The following DHRS12 variants were observed in gnomAD, a reference collection of about 807,000 sequenced individuals.
The protein encoded by DHRS12 is dehydrogenase/reductase 12, also known as dehydrogenase/reductase SDR family member 12.
Under a neutral mutation model 32.1 loss-of-function variants are expected in DHRS12, and 29 were observed. That is an observed-to-expected ratio of 0.90 (90% CI 0.67 to 1.23). The LOEUF (loss-of-function observed/expected upper bound fraction) is 1.23. Ranked by LOEUF, DHRS12 falls within the 50% of genes most tolerant of loss-of-function variation. The pLI is 0.00. For synonymous variants in DHRS12, 150 were observed against 135.9 expected (o/e 1.10, Z -0.72); for missense variants, 330 against 337.2 (o/e 0.98, Z 0.17).
Position 51,799,560 on chromosome 13 carries a change from G to A in DHRS12, c.100C>T (p.Gln34Ter). 1 of 1,613,970 alleles carries A rather than the reference G, an allele frequency of 6.2e-7. No homozygotes were observed. The highest frequency in any genetic ancestry group is 8.5e-7 in the Non-Finnish European group (1 of 1,179,968). Residue 34 changes from glutamine (Q) to a stop codon, truncating the protein, a stop_gained, in exon 2 of 9, where the codon CAA becomes TAA. Transcript: ENST00000444610. LOFTEE classifies it high-confidence loss of function. ...SLEETAALAK[Q>*]LPLKSPSENI... is the part of the protein sequence containing the mutation. ...TCGCTTGGCGATTTCAAGGGCAGTT[G>A]CTTTGCCAATGCCGCTGTTTCCTCC... is the stretch of plus-strand genomic sequence containing the variant.
At position 51,780,549 on chromosome 13, in the gene DHRS12, G is replaced by A. The variant is rs73494143; in HGVS notation, c.302-3428C>T. On this transcript the variant is annotated intron_variant, in intron 4 of 8. Transcript: ENST00000444610. ...AATTTACACAATGCCTTTCTTCCAA[G>A]GAACTCATTATGTCGATGGCGGTTC... Among the ~76,000 whole-genome samples the A allele has an allele frequency of 7.4e-3, 1,122 of 152,298 alleles. 19 individuals are homozygous for A. Among genetic ancestry groups the A allele is most frequent in the African/African-American group, 0.026 (1,067 of 41,548 alleles).
intron 1 of DHRS12, among the ~76,000 whole-genome samples, chr13:51,801,837 TC>T (rs1416270401): frequency 6.6e-6 from 1 of 152,206 alleles, no homozygotes; most frequent in African/African-American, 2.4e-5. Context: ...GACAGGCTTT[TC>T]TCTGTGATAC....
the DHRS12 span, chr13:51,756,340 C>T: frequency 1.2e-6 from 2 of 1,613,506 alleles, no homozygotes; most frequent in Non-Finnish European, 1.7e-6. Context: ...AGCACCACTG[C>T]CGCAAGTGTG....
At chr13:51,776,971 A>T in intron 5 of DHRS12, 89 bp downstream of exon 5, 1 of 1,456,940 alleles carries the variant, frequency 6.9e-7, no homozygotes, top group South Asian at 1.2e-5. Context: ...TGGCCCCCTT[A>T]GGGCAGTCAG....
the DHRS12 span, chr13:51,759,967 A>G: frequency 1.3e-5 from 7 of 534,906 alleles, no homozygotes; most frequent in Non-Finnish European, 2.4e-5. Context: ...CAACTTGTTC[A>G]TACAATATAA....
rs184997067 is a variant in DHRS12, at chr13:51,768,547, A to G, written c.698-251T>C. ...AGACCACGTTTGGGTGATCAGCAGG[A>G]AGGGGTGCGGCCATCCTCCCGGATA... On this transcript the variant is annotated intron_variant, in intron 8 of 8. Coordinates refer to ENST00000444610, the MANE Select transcript of DHRS12 (RefSeq NM_001377533.1). 3.2e-5 allele frequency: 44 copies of G among 1,358,820 alleles called. No individual in the cohort carries two copies. The East Asian group carries it at 1.2e-3, about 37-fold the overall frequency. 84.2% of individuals were successfully genotyped at this position (1,358,820 alleles called of 1,614,324 possible). A position where few individuals can be genotyped will look rare whatever the true frequency, so the allele number is the denominator to read the frequency against.
the DHRS12 span, chr13:51,758,405 G>A: frequency 1.3e-6 from 1 of 754,234 alleles, no homozygotes; most frequent in South Asian, 2.2e-5. Flanking sequence ...TCCTTGGGTA[G>A]CCGGCCATGG....
At position 51,769,274 on chromosome 13, in the gene DHRS12, C is replaced by CT; in HGVS notation, c.578_579insA (p.Phe195ValfsTer64). ...GGTCCCCGAACCTGGCGTGGAACCC[C>CT]GGCATCGCCTGCCTCACACCTGGGA... On this transcript the variant is annotated frameshift_variant, in exon 8 of 9. Transcript: ENST00000444610. LOFTEE classifies it high-confidence loss of function. 6.3e-7 allele frequency: 1 copy of CT among 1,580,020 alleles called. No homozygotes were observed. Among genetic ancestry groups the CT allele is most frequent in the Non-Finnish European group, 8.6e-7 (1 of 1,161,758 alleles).
intron 4 of DHRS12, among the ~76,000 whole-genome samples, chr13:51,781,821 C>G (rs996967429): frequency 6.6e-6 from 1 of 152,178 alleles, no homozygotes; most frequent in Non-Finnish European, 1.5e-5. Flanking sequence ...CAAGGGGTGA[C>G]TTTAAGCAGA....
At position 51,774,053 on chromosome 13, in the gene DHRS12, A is replaced by G. The variant is rs1331951939; in HGVS notation, c.364-19T>C. On this transcript the variant is annotated intron_variant, in intron 5 of 8. Coordinates refer to ENST00000444610, the MANE Select transcript of DHRS12 (RefSeq NM_001377533.1). ...CGGTTATCTGCAATAAAGGTAACAG[A>G]GATTTACAAACTAAAGCCTGTGACC... 1 of 1,610,058 alleles carries G rather than the reference A, an allele frequency of 6.2e-7. No homozygotes were observed. The highest frequency in any genetic ancestry group is 8.5e-7 in the Non-Finnish European group (1 of 1,176,576).
the DHRS12 span, chr13:51,755,469 A>G: frequency 6.2e-7 from 1 of 1,610,270 alleles, no homozygotes; most frequent in Non-Finnish European, 8.5e-7. Context: ...GGTGAGTGAT[A>G]TGGATGCTTC....
chr13:51,770,021 C>G (rs1342565395), intron 7 of DHRS12, among the ~76,000 whole-genome samples: 1 of 152,182 alleles, frequency 6.6e-6, no homozygotes, highest in African/African-American at 2.4e-5. Flanking sequence ...CAAAATAGTT[C>G]TCTCTCGAAG....
At position 51,789,932 on chromosome 13, in the gene DHRS12, G is replaced by T; in HGVS notation, c.301+79C>A. On this transcript the variant is annotated intron_variant, in intron 4 of 8. Transcript: ENST00000444610. Reference sequence around the variant, plus strand: ...CCAGGACCAAGAACCAAAAAAGTTGGTCAATTTTTTTTTACCCTTCTATGG... The same window carrying T: ...CCAGGACCAAGAACCAAAAAAGTTGTTCAATTTTTTTTTACCCTTCTATGG... The T allele has an allele frequency of 3.4e-6, 5 of 1,460,756 alleles. No individual in the cohort carries two copies. The South Asian group carries it at 7.3e-5, about 21-fold the overall frequency. 90.5% of individuals were successfully genotyped at this position (1,460,756 alleles called of 1,614,324 possible).
chr13:51,780,743 G>A (rs1954667043), intron 4 of DHRS12, among the ~76,000 whole-genome samples: 1 of 152,132 alleles, frequency 6.6e-6, no homozygotes, highest in Non-Finnish European at 1.5e-5. Context: ...GAGATGCCGC[G>A]TGTTCTTAGA....
At chr13:51,787,921 T>TAATATATAAATATATATAAA (rs1566296941) in intron 4 of DHRS12, among the ~76,000 whole-genome samples, 10 of 101,366 alleles carry the variant, frequency 9.9e-5, no homozygotes, top group East Asian at 7.0e-4. Context: ...TAATTATATA[T>TAATATATAAATATATATAAA]AATATATACT....
chr13:51,794,821 A>C (rs1015634666), intron 2 of DHRS12, among the ~76,000 whole-genome samples: 11 of 151,380 alleles, frequency 7.3e-5, no homozygotes, highest in African/African-American at 2.7e-4. Flanking sequence ...TTACCCATGG[A>C]GATAACTGCT....
chr13:51,756,910 AG>A, the DHRS12 span, among the ~76,000 whole-genome samples: 1 of 152,218 alleles, frequency 6.6e-6, no homozygotes, highest in Non-Finnish European at 1.5e-5. Context: ...CCAGTTGCCC[AG>A]TTACTCAGCT....
At position 51,773,952 on chromosome 13, in the gene DHRS12, G is replaced by T. The variant is rs1227789661; in HGVS notation, c.446C>A (p.Thr149Asn). Reference protein sequence around the residue: ...LQSERTPFDGTMVYAQNKRQQ... With the variant: ...LQSERTPFDGNMVYAQNKRQQ... ...GACCTTGTTTTGTGCATAGACCATA[G>T]TTCCATCAAATGGTGTTCTTTCGGA... The change falls in exon 6 of 9, where the codon ACT becomes AAT. Residue 149 changes from threonine to asparagine, a missense_variant. Coordinates refer to ENST00000444610, the MANE Select transcript of DHRS12 (RefSeq NM_001377533.1). The T allele has an allele frequency of 1.9e-6, 3 of 1,613,956 alleles. No individual in the cohort carries two copies. In the African/African-American group the frequency reaches 4.0e-5, roughly 22 times the overall value.
chr13:51,785,376 T>C (rs1172440883), intron 4 of DHRS12, among the ~76,000 whole-genome samples: 1 of 152,162 alleles, frequency 6.6e-6, no homozygotes, highest in African/African-American at 2.4e-5. Context: ...GGCAGATTAT[T>C]GTTCAATATT....
Sources: allele counts gnomAD v4.1 joint callset (sites outside exome capture counted in the v4.1 genomes callset), GRCh38; gene constraint gnomAD v4.1.1; transcripts MANE v1.5; gene names NCBI Gene and HGNC (gene_info 2026-07-23, HGNC 2026-07-21).